Variants in PRKAR1B observed in about 807,000 individuals in gnomAD.
PRKAR1B encodes cAMP-dependent protein kinase type I-beta regulatory subunit.
PRKAR1B carries 22 observed loss-of-function variants against 46.5 expected under a neutral mutation model. That is an observed-to-expected ratio of 0.47 (90% confidence interval 0.34 to 0.68). The LOEUF (loss-of-function observed/expected upper bound fraction) is 0.68, where lower values mean the gene tolerates loss of function less well. Ranked by LOEUF, PRKAR1B falls within the 30% of genes least tolerant of loss-of-function variation. The pLI, the probability that PRKAR1B is intolerant of heterozygous loss-of-function variation, is 0.01. For synonymous variants in PRKAR1B, 259 were observed against 217.7 expected (o/e 1.19, Z -1.67); for missense variants, 445 against 535.6 (o/e 0.83, Z 1.67).
At chr7:701,114 G>A (rs1324026960) in intron 2 of PRKAR1B, among the ~76,000 whole-genome samples, 3 of 151,858 alleles carry the variant, frequency 2.0e-5, no homozygotes, top group Non-Finnish European at 4.4e-5. Context: ...CCTGAACCCA[G>A]GAGGCAGAGG....
rs569547811 is a variant in PRKAR1B at position 588,720 on chromosome 7, ATGG to A, written c.709-4155_709-4153del. Among the ~76,000 whole-genome samples the A allele has an allele frequency of 8.0e-4, 74 of 92,340 alleles. 9 individuals carry two copies. Among genetic ancestry groups the A allele is most frequent in the African/African-American group, 1.5e-3 (33 of 21,912 alleles). The allele number at this position is 92,340 out of a possible 152,430, so 60.6% of individuals were successfully genotyped here. On this transcript the variant is annotated intron_variant, in intron 7 of 10. Transcript: ENST00000537384. Reference sequence around the variant, plus strand: ...GGTGATGGTGATGGTGATGGTGGTGATGGTGGTGAGGATAGTGACAGTGGTGAT... The same window carrying A: ...GGTGATGGTGATGGTGATGGTGGTGATGGTGAGGATAGTGACAGTGGTGAT...
intron 3 of PRKAR1B, among the ~76,000 whole-genome samples, chr7:677,677 T>G (rs1314525815): frequency 1.3e-5 from 2 of 152,118 alleles, no homozygotes; most frequent in Non-Finnish European, 2.9e-5. Context: ...TCCTCCCATC[T>G]CAGCCTCCCA....
chr7:609,239 C>T (rs1024008922), intron 4 of PRKAR1B, among the ~76,000 whole-genome samples: 1 of 152,202 alleles, frequency 6.6e-6, no homozygotes, highest in Non-Finnish European at 1.5e-5. Context: ...CTCTAAACTG[C>T]ATTTCTTCAA....
At chr7:559,102 A>G (rs1327557676) in intron 9 of PRKAR1B, among the ~76,000 whole-genome samples, 2 of 152,190 alleles carry the variant, frequency 1.3e-5, no homozygotes, top group Non-Finnish European at 2.9e-5. Flanking sequence ...CGTCTACTGC[A>G]TTAGGGCTAG....
chr7:618,231 G>A (rs185126970), intron 4 of PRKAR1B, among the ~76,000 whole-genome samples: 103 of 152,344 alleles, frequency 6.8e-4, no homozygotes, highest in African/African-American at 2.2e-3. Flanking sequence ...AAACCCCGCC[G>A]TTCCCGACAG....
At chr7:586,526 C>T (rs1780610943) in intron 7 of PRKAR1B, among the ~76,000 whole-genome samples, 2 of 152,232 alleles carry the variant, frequency 1.3e-5, no homozygotes, top group Non-Finnish European at 2.9e-5. Context: ...TGGGGGGAAG[C>T]CACCACAGAA....
At chr7:648,916 C>T (rs949970406) in intron 4 of PRKAR1B, among the ~76,000 whole-genome samples, 2 of 152,206 alleles carry the variant, frequency 1.3e-5, no homozygotes, top group African/African-American at 2.4e-5. Context: ...GTAATCCCAG[C>T]ACTTTGGGAG....
chr7:728,514 T>C (rs1355882959), upstream of PRKAR1B, among the ~76,000 whole-genome samples: 1 of 152,250 alleles, frequency 6.6e-6, no homozygotes, highest in African/African-American at 2.4e-5. Context: ...GTTGGTTAAC[T>C]TTGGATTTCA....
chr7:696,800 G>C (rs1229643799), intron 2 of PRKAR1B: 1 of 152,306 alleles, frequency 6.6e-6, no homozygotes, highest in Non-Finnish European at 1.5e-5. Flanking sequence ...TGAAGAATCA[G>C]ACTAGGCAGG....
intron 5 of PRKAR1B, among the ~76,000 whole-genome samples, chr7:606,977 ATGTG>A (rs980247967): frequency 1.3e-5 from 2 of 152,194 alleles, no homozygotes; most frequent in South Asian, 2.1e-4. Flanking sequence ...TGCATATTAT[ATGTG>A]TGTATGTATG....
At chr7:659,176 A>G (rs1410644480) in intron 4 of PRKAR1B, among the ~76,000 whole-genome samples, 4 of 152,146 alleles carry the variant, frequency 2.6e-5, no homozygotes, top group Non-Finnish European at 5.9e-5. Context: ...GTTTCTTTTC[A>G]GCACGTCTCA....
chr7:712,316 C>G (rs1480525927), intron 1 of PRKAR1B: 1 of 150,018 alleles, frequency 6.7e-6, no homozygotes, highest in African/African-American at 2.4e-5. Flanking sequence ...CCGCGCGCCC[C>G]ACTCCCGGCG....
chr7:700,403 G>A (rs1779995735), intron 2 of PRKAR1B, among the ~76,000 whole-genome samples: 1 of 152,192 alleles, frequency 6.6e-6, no homozygotes, highest in Non-Finnish European at 1.5e-5. Flanking sequence ...GGATTTTAAT[G>A]GGATTCAAAG....
At position 550,613 on chromosome 7, in the gene PRKAR1B, A is replaced by G. The variant is rs563121058; in HGVS notation, c.974-11T>C. On this transcript the variant is annotated splice_polypyrimidine_tract_variant and intron_variant, in intron 10 of 10. Coordinates refer to ENST00000537384, the MANE Select transcript of PRKAR1B (RefSeq NM_001164760.2). ...GCAGTGCAATCTCCCCTGGGGGTTG[A>G]AGAGAGAGGTCAGGGCTGGGCCTGG... 132 of 1,546,654 alleles carry G rather than the reference A, an allele frequency of 8.5e-5. 2 individuals are homozygous for G. In the African/African-American group the frequency reaches 1.6e-3, roughly 19 times the overall value.
At chr7:551,500 C>A (rs1413141050) in intron 9 of PRKAR1B, 30 bp from the exon 10 acceptor site, 2 of 1,536,860 alleles carry the variant, frequency 1.3e-6, no homozygotes, top group Non-Finnish European at 1.7e-6. Flanking sequence ...GACGTGAGTG[C>A]CAGCCAGGCG....
intron 2 of PRKAR1B, among the ~76,000 whole-genome samples, chr7:685,505 C>A (rs1192527223): frequency 1.3e-5 from 2 of 149,328 alleles, no homozygotes; most frequent in Non-Finnish European, 3.0e-5. Flanking sequence ...AGAAAAATTT[C>A]TCTAAACTGA....
At chr7:680,464 A>C (rs1253049745) in intron 3 of PRKAR1B, 92 bp downstream of exon 3, 2 of 1,270,468 alleles carry the variant, frequency 1.6e-6, no homozygotes, top group East Asian at 5.3e-5. Context: ...CCCCAGGAGG[A>C]TGAGGGTGCC....
At chr7:572,905 G>A (rs1323081414) in intron 9 of PRKAR1B, among the ~76,000 whole-genome samples, 3 of 152,244 alleles carry the variant, frequency 2.0e-5, no homozygotes, top group South Asian at 2.1e-4. Flanking sequence ...AGGGCAGGAC[G>A]CCGGCCCCAG....
At chr7:594,239 C>A (rs1781141428) in intron 7 of PRKAR1B, among the ~76,000 whole-genome samples, 1 of 152,158 alleles carries the variant, frequency 6.6e-6, no homozygotes. Flanking sequence ...AGGCCATTCA[C>A]CTCCTGCCAT....
Sources: gnomAD v4.1 joint callset for allele counts (sites outside exome capture counted in the v4.1 genomes callset) on GRCh38, gnomAD v4.1.1 for gene constraint, MANE v1.5 for transcripts, NCBI Gene and HGNC (gene_info 2026-07-23, HGNC 2026-07-21) for gene names.